PRR19: variants seen among roughly 807,000 people sequenced by gnomAD.
PRR19 encodes proline-rich protein 19.
A neutral mutation model predicts 19.2 loss-of-function variants in PRR19; 9 were observed. That is an observed-to-expected ratio of 0.47 (90% confidence interval 0.28 to 0.82). PRR19 has a LOEUF of 0.82. Among genes scored for constraint, PRR19 ranks in the 40% least tolerant of loss-of-function variants. The pLI, the probability that PRR19 is intolerant of heterozygous loss-of-function variation, is 0.11. For missense variants in PRR19, 457 were observed against 466.0 expected, an observed-to-expected ratio of 0.98 and a Z score of 0.18; for synonymous variants, 190 against 191.0, an observed-to-expected ratio of 0.99 and a Z score of 0.04.
intron 1 of PRR19, 54 bp downstream of exon 1, chr19:42,302,557 G>A (rs2038653705): frequency 2.2e-6 from 1 of 461,914 alleles, no homozygotes; most frequent in South Asian, 3.0e-5. Context: ...CAGTGGGCTC[G>A]CCCGGCGCTT....
In PRR19 at chr19:42,309,739, C is replaced by T; in HGVS notation, c.155C>T (p.Pro52Leu). Residue 52 changes from proline (P) to leucine (L), a missense_variant, in exon 2 of 3, where the codon CCA (proline) becomes CTA (leucine). Pro to Leu is a moderately conservative substitution (Grantham distance 98). Transcript: ENST00000341747. ...HHDPPVAIRD[P>L]PVVPTASKLV... ...GATCCTCCTGTGGCCATTCGGGATCCACCTGTGGTCCCTACTGCCTCCAAG... is the reference window on the plus strand; with the variant it reads ...GATCCTCCTGTGGCCATTCGGGATCTACCTGTGGTCCCTACTGCCTCCAAG... 1.2e-6 allele frequency: 2 copies of T among 1,607,296 alleles called. No individual in the cohort carries two copies. Among genetic ancestry groups the T allele is most frequent in the East Asian group, 2.2e-5 (1 of 44,662 alleles).
chr19:42,310,210 C>T (rs1568543230), intron 2 of PRR19, 25 bp downstream of exon 2: 2 of 1,613,934 alleles, frequency 1.2e-6, no homozygotes, highest in Non-Finnish European at 1.7e-6. Context: ...TGCCCCTGTA[C>T]TCCCCTTTCC....
In PRR19 at chr19:42,302,253, G is replaced by T. The variant is rs1176242668; in HGVS notation, c.-257G>T. ...TCACCAGGGACATCCAGCGCCCGTC[G>T]CCCTGTACGTCCTGCACCGGCGTGG... On this transcript the variant is annotated 5_prime_UTR_variant, in exon 1 of 3. Coordinates refer to ENST00000341747, the MANE Select transcript of PRR19 (RefSeq NM_199285.3). 1.2e-6 allele frequency: 2 copies of T among 1,604,152 alleles called. No homozygotes were observed. Among genetic ancestry groups the T allele is most frequent in the Non-Finnish European group, 1.7e-6 (2 of 1,175,762 alleles).
intron 1 of PRR19, among the ~76,000 whole-genome samples, chr19:42,306,319 G>A (rs1252041544): frequency 2.0e-5 from 3 of 152,204 alleles, no homozygotes; most frequent in South Asian, 2.1e-4. Context: ...GACTACAGGC[G>A]CCCGCCACCA....
chr19:42,302,460 A>G lies in PRR19; in HGVS notation c.-50A>G. On this transcript the variant is annotated 5_prime_UTR_variant, in exon 1 of 3. Coordinates refer to ENST00000341747, the MANE Select transcript of PRR19 (RefSeq NM_199285.3). ...ACCCGCGGAGGACGAAGGCCGATAC[A>G]GGGCGCCGCCTCCTCTCCAGGGACG... 1.5e-6 allele frequency: 1 copy of G among 658,432 alleles called. No individual in the cohort carries two copies. The highest frequency in any genetic ancestry group is 2.8e-5 in the East Asian group (1 of 35,498). 40.8% of individuals were successfully genotyped at this position (658,432 alleles called of 1,614,324 possible). A position where few individuals can be genotyped will look rare whatever the true frequency, so the allele number is the denominator to read the frequency against.
chr19:42,302,409 A>G lies in PRR19; in HGVS notation c.-101A>G, dbSNP rs886692088. Reference sequence around the variant, plus strand: ...ACGCCCACTCCTACCCCTCGCGGCAACAAAGGACCGTCCCAACGCTAGCAC... The same window carrying G: ...ACGCCCACTCCTACCCCTCGCGGCAGCAAAGGACCGTCCCAACGCTAGCAC... On this transcript the variant is annotated 5_prime_UTR_variant, in exon 1 of 3. Coordinates refer to ENST00000341747, the MANE Select transcript of PRR19 (RefSeq NM_199285.3). 2 of 1,106,398 alleles carry G rather than the reference A, an allele frequency of 1.8e-6. No homozygotes were observed. The highest frequency in any genetic ancestry group is 1.5e-5 in the African/African-American group (1 of 64,560). The allele number at this position is 1,106,398 out of a possible 1,614,324, so 68.5% of individuals were successfully genotyped here. A position where few individuals can be genotyped will look rare whatever the true frequency, so the allele number is the denominator to read the frequency against.
chr19:42,305,588 T>G (rs575112064), intron 1 of PRR19, among the ~76,000 whole-genome samples: 1 of 151,992 alleles, frequency 6.6e-6, no homozygotes, highest in Non-Finnish European at 1.5e-5. Context: ...GAGAAAAAAA[T>G]TTTTAAAAAT....
intron 1 of PRR19, among the ~76,000 whole-genome samples, chr19:42,308,064 C>A (rs1318114012): frequency 6.6e-6 from 1 of 151,880 alleles, no homozygotes; most frequent in East Asian, 1.9e-4. Flanking sequence ...GCTCACCCTC[C>A]ATCTTTTAAC....
rs112038275 is a variant in PRR19 at position 42,308,543 on chromosome 19, C to T, written c.-6-1036C>T. ...CCTCCAGAGTAGCTGGGATTACAGG[C>T]GCGCACCATCACATACAGCTAATTT... On this transcript the variant is annotated intron_variant, in intron 1 of 2. Transcript: ENST00000341747. Among the ~76,000 whole-genome samples, 326 of 151,778 alleles carry T rather than the reference C, an allele frequency of 2.1e-3. 3 individuals are homozygous for T. Among genetic ancestry groups the T allele is most frequent in the African/African-American group, 7.2e-3 (297 of 41,414 alleles).
intron 1 of PRR19, among the ~76,000 whole-genome samples, chr19:42,306,161 A>G (rs1299278056): frequency 6.6e-6 from 1 of 152,164 alleles, no homozygotes; most frequent in African/African-American, 2.4e-5. Flanking sequence ...AGCTGGGCCC[A>G]CAGGCAAGAG....
In PRR19 at chr19:42,310,504, C is replaced by A; in HGVS notation, c.835C>A (p.Pro279Thr). The A allele has an allele frequency of 1.2e-6, 2 of 1,614,180 alleles. No homozygotes were observed. The highest frequency in any genetic ancestry group is 2.2e-5 in the South Asian group (2 of 91,084). ...LSSPSGTAWG[P>T]PTAFDLLKSI... ...TTCGCCATCTGGAACAGCCTGGGGTCCCCCAACAGCGTTTGACTTGTTAAA... is the reference window on the plus strand; with the variant it reads ...TTCGCCATCTGGAACAGCCTGGGGTACCCCAACAGCGTTTGACTTGTTAAA... The change falls in exon 3 of 3, where the codon CCC becomes ACC. Residue 279 changes from proline to threonine, a missense_variant. Transcript: ENST00000341747.
chr19:42,307,747 C>CTT lies in PRR19; in HGVS notation c.-6-1805_-6-1804dup, dbSNP rs759101368. Among the ~76,000 whole-genome samples the CTT allele has an allele frequency of 1.3e-3, 106 of 83,642 alleles. 6 individuals are homozygous for CTT. The highest frequency in any genetic ancestry group is 2.0e-3 in the South Asian group (4 of 2,032). 54.9% of individuals were successfully genotyped at this position (83,642 alleles called of 152,430 possible). A position where few individuals can be genotyped will look rare whatever the true frequency, so the allele number is the denominator to read the frequency against. On this transcript the variant is annotated intron_variant, in intron 1 of 2. Transcript: ENST00000341747. Reference sequence around the variant, plus strand: ...ACTGCGCCTGGCCCCCACCCTCCATCTTTTTTTTTTTTTTTTTTTTTTTTT... The same window carrying CTT: ...ACTGCGCCTGGCCCCCACCCTCCATCTTTTTTTTTTTTTTTTTTTTTTTTTTT...
intron 1 of PRR19, chr19:42,302,766 T>C (rs1268406553): frequency 7.9e-6 from 1 of 127,080 alleles, no homozygotes; most frequent in Non-Finnish European, 1.5e-5. Flanking sequence ...AACCATTTGC[T>C]GTACAGAGTG....
At position 42,304,141 on chromosome 19, in the gene PRR19, A is replaced by G. The variant is rs898044628; in HGVS notation, c.-7+1638A>G. ...AAAAAAAAAAAAAAATTAGCTAGGC[A>G]TGGCAGCACACGCCCGTAGTCCCAG... On this transcript the variant is annotated intron_variant, in intron 1 of 2. Transcript: ENST00000341747. 5.1e-4 allele frequency among the ~76,000 whole-genome samples: 77 copies of G among 151,292 alleles called. 3 individuals are homozygous for G. Among genetic ancestry groups the G allele is most frequent in the Admixed American group, 4.0e-4 (6 of 15,144 alleles).
chr19:42,308,546 G>T (rs901039828), intron 1 of PRR19, among the ~76,000 whole-genome samples: 1 of 151,698 alleles, frequency 6.6e-6, no homozygotes, highest in East Asian at 1.9e-4. Context: ...TTACAGGCGC[G>T]CACCATCACA....
intron 1 of PRR19, among the ~76,000 whole-genome samples, chr19:42,308,342 T>C (rs1282904538): frequency 2.1e-5 from 3 of 146,070 alleles, no homozygotes; most frequent in Non-Finnish European, 3.0e-5. Flanking sequence ...TCCTCCTACC[T>C]CAGCTTCCCT....
chr19:42,304,830 C>A (rs1472415055), intron 1 of PRR19, among the ~76,000 whole-genome samples: 1 of 150,976 alleles, frequency 6.6e-6, no homozygotes, highest in African/African-American at 2.4e-5. Context: ...ATAGCTTGAG[C>A]CTGGGAGATG....
Position 42,310,780 on chromosome 19 carries a change from C to A in PRR19, c.*40C>A. 7.5e-7 allele frequency: 1 copy of A among 1,334,808 alleles called. No homozygotes were observed. Among genetic ancestry groups the A allele is most frequent in the Non-Finnish European group, 1.0e-6 (1 of 970,172 alleles). The allele number at this position is 1,334,808 out of a possible 1,614,324, so 82.7% of individuals were successfully genotyped here. A position where few individuals can be genotyped will look rare whatever the true frequency, so the allele number is the denominator to read the frequency against. Reference sequence around the variant, plus strand: ...TAGGGCTGGGGACAGATATCTTGTACTCCCAGTGACCTCAATAAAGTACTT... The same window carrying A: ...TAGGGCTGGGGACAGATATCTTGTAATCCCAGTGACCTCAATAAAGTACTT... On this transcript the variant is annotated 3_prime_UTR_variant, in exon 3 of 3. Transcript: ENST00000341747.
rs1203158458 is a variant in PRR19 at position 42,302,299 on chromosome 19, T to A, written c.-211T>A. 6.2e-7 allele frequency: 1 copy of A among 1,604,518 alleles called. No homozygotes were observed. Among genetic ancestry groups the A allele is most frequent in the Admixed American group, 1.7e-5 (1 of 59,184 alleles). On this transcript the variant is annotated 5_prime_UTR_variant, in exon 1 of 3. Coordinates refer to ENST00000341747, the MANE Select transcript of PRR19 (RefSeq NM_199285.3). ...CGTGGGCTTGCTGGCTGGGTTCTCC[T>A]CTCCACTCATCTTGGCGCCGCAGCT... is the stretch of plus-strand genomic sequence containing the variant.
Sources: gnomAD v4.1 joint callset for allele counts (sites outside exome capture counted in the v4.1 genomes callset) on GRCh38, gnomAD v4.1.1 for gene constraint, MANE v1.5 for transcripts, NCBI Gene and HGNC (gene_info 2026-07-23, HGNC 2026-07-21) for gene names.